The following PTAR1 variants were observed in gnomAD, a reference collection of about 807,000 sequenced individuals.
The protein encoded by PTAR1 is protein prenyltransferase alpha subunit repeat containing 1, also known as protein prenyltransferase alpha subunit repeat-containing protein 1.
A neutral mutation model predicts 45.5 loss-of-function variants in PTAR1; 17 were observed. The observed-to-expected ratio is 0.37, with a 90% CI of 0.26 to 0.56. PTAR1 has a LOEUF of 0.56. Ranked by LOEUF, PTAR1 falls within the 20% of genes least tolerant of loss-of-function variation. PTAR1 has a pLI of 0.77. For missense variants in PTAR1, 391 were observed against 476.3 expected, an observed-to-expected ratio of 0.82 and a Z score of 1.67; for synonymous variants, 169 against 171.3, an observed-to-expected ratio of 0.99 and a Z score of 0.11.
chr9:69,734,378 AAAAG>A, intron 3 of PTAR1, 124 bp from the exon 4 acceptor site: 1 of 497,902 alleles, frequency 2.0e-6, no homozygotes, highest in East Asian at 3.1e-5. Context: ...TTAAAACAAA[AAAAG>A]AAAGAAAAAA....
chr9:69,720,735 G>A (rs1371487190), intron 6 of PTAR1, among the ~76,000 whole-genome samples: 1 of 152,142 alleles, frequency 6.6e-6, no homozygotes, highest in African/African-American at 2.4e-5. Context: ...TTGAAGCCAA[G>A]GCTCATTTAC....
intron 1 of PTAR1, among the ~76,000 whole-genome samples, chr9:69,751,804 T>G (rs1405669685): frequency 6.6e-6 from 1 of 152,084 alleles, no homozygotes; most frequent in Non-Finnish European, 1.5e-5. Context: ...AAAATACATT[T>G]CAGAATTCAA....
In PTAR1 at chr9:69,711,457, CA is replaced by C. The variant is rs1279917411; in HGVS notation, c.*6884del. ...GATGCTGAGACTACTGTATCATTCA[CA>C]AAAAGTTCTTCCTCATGCCAAAGAT... is the stretch of plus-strand genomic sequence containing the variant. On this transcript the variant is annotated 3_prime_UTR_variant, in exon 8 of 8. Transcript: ENST00000340434. 3 of 152,180 alleles carry C rather than the reference CA, an allele frequency of 2.0e-5. No individual in the cohort carries two copies. Among genetic ancestry groups the C allele is most frequent in the African/African-American group, 7.2e-5 (3 of 41,458 alleles). 9.4% of individuals were successfully genotyped at this position (152,180 alleles called of 1,614,324 possible).
chr9:69,720,257 G>C (rs772496823), intron 6 of PTAR1, among the ~76,000 whole-genome samples: 2 of 152,216 alleles, frequency 1.3e-5, no homozygotes, highest in Non-Finnish European at 2.9e-5. Flanking sequence ...ACACACAAAT[G>C]ATAAGCGAAA....
At chr9:69,741,521 C>CT (rs1450325887) in intron 3 of PTAR1, 1 of 347,622 alleles carries the variant, frequency 2.9e-6, no homozygotes, top group Non-Finnish European at 5.3e-6. Flanking sequence ...TAGTCTCCCA[C>CT]CCCAAAAAAT....
Position 69,750,888 on chromosome 9 carries a change from A to T in PTAR1, c.149T>A (p.Val50Asp). 1.9e-6 allele frequency: 3 copies of T among 1,610,528 alleles called. No homozygotes were observed. The highest frequency in any genetic ancestry group is 2.5e-6 in the Non-Finnish European group (3 of 1,178,070). Reference sequence around the variant, plus strand: ...GCTCTCCACACCCAGTTTGTTTTCAACCAGGACTATGGGACTCCGGTTATA... The same window carrying T: ...GCTCTCCACACCCAGTTTGTTTTCATCCAGGACTATGGGACTCCGGTTATA... ...ARYNRSPIVL[V>D]ENKLGVESWC... Residue 50 changes from valine to aspartate, a missense_variant, in exon 2 of 8, where the codon GTT becomes GAT. Around this residue, in one of 5 missense-constraint regions of PTAR1, gnomAD observed 152 missense variants for 160.0 expected, o/e 0.95. Transcript: ENST00000340434.
intron 3 of PTAR1, among the ~76,000 whole-genome samples, chr9:69,736,118 C>A (rs1267384322): frequency 6.6e-6 from 1 of 152,052 alleles, no homozygotes; most frequent in Non-Finnish European, 1.5e-5. Context: ...CGTTTGAAAG[C>A]AATGTTTCTC....
intron 3 of PTAR1, among the ~76,000 whole-genome samples, chr9:69,734,737 A>G (rs1250388751): frequency 2.0e-5 from 3 of 152,304 alleles, no homozygotes; most frequent in East Asian, 3.9e-4. Flanking sequence ...GGAAAAAAAA[A>G]TCATTCATGG....
intron 2 of PTAR1, 124 bp downstream of exon 2, chr9:69,750,657 C>A: frequency 1.4e-6 from 1 of 700,074 alleles, no homozygotes; most frequent in Non-Finnish European, 2.3e-6. Flanking sequence ...TAGCACCCAC[C>A]GAGACAGTGA....
Position 69,718,696 on chromosome 9 carries a change from A to C in PTAR1, c.948-12T>G. ...AGAAAATATGCCGCCTGCGATAGAG[A>C]GGGGAAGGAAGAGAATAAAGAAAAT... On this transcript the variant is annotated splice_polypyrimidine_tract_variant and intron_variant, in intron 6 of 7. Transcript: ENST00000340434. 6.6e-7 allele frequency: 1 copy of C among 1,523,770 alleles called. No individual in the cohort carries two copies. The highest frequency in any genetic ancestry group is 1.3e-5 in the South Asian group (1 of 78,232). The allele number at this position is 1,523,770 out of a possible 1,614,324, so 94.4% of individuals were successfully genotyped here.
At chr9:69,747,433 G>A (rs1032394434) in intron 2 of PTAR1, among the ~76,000 whole-genome samples, 2 of 152,190 alleles carry the variant, frequency 1.3e-5, no homozygotes, top group Admixed American at 1.3e-4. Flanking sequence ...TGGAAGTAAG[G>A]CAGTAGTACA....
intron 5 of PTAR1, among the ~76,000 whole-genome samples, chr9:69,730,261 G>A (rs550660708): frequency 2.6e-4 from 39 of 151,976 alleles, no homozygotes; most frequent in Non-Finnish European, 4.7e-4. Context: ...AGTGGACCCT[G>A]GCAGCTGAGC....
At chr9:69,727,767 G>C (rs2134096373) in intron 5 of PTAR1, among the ~76,000 whole-genome samples, 1 of 152,252 alleles carries the variant, frequency 6.6e-6, no homozygotes, top group South Asian at 2.1e-4. Context: ...TAATGGTAGA[G>C]TGTTCTTTAT....
intron 1 of PTAR1, among the ~76,000 whole-genome samples, chr9:69,751,212 G>C (rs552217555): frequency 6.6e-6 from 1 of 152,000 alleles, no homozygotes; most frequent in Non-Finnish European, 1.5e-5. Flanking sequence ...AATTTTGAAG[G>C]AACATACCCT....
chr9:69,752,634 G>C (rs1483567995), intron 1 of PTAR1, among the ~76,000 whole-genome samples: 1 of 151,956 alleles, frequency 6.6e-6, no homozygotes, highest in African/African-American at 2.4e-5. Flanking sequence ...AATTCAAAAA[G>C]AATAAAGCAA....
At chr9:69,748,628 A>G (rs904084800) in intron 2 of PTAR1, among the ~76,000 whole-genome samples, 4 of 152,064 alleles carry the variant, frequency 2.6e-5, no homozygotes, top group Non-Finnish European at 5.9e-5. Context: ...CTGTCACTTA[A>G]ATTGTCATCT....
rs1824690155 is a variant in PTAR1 at position 69,715,442 on chromosome 9, C to G, written c.*2900G>C. On this transcript the variant is annotated 3_prime_UTR_variant, in exon 8 of 8. Coordinates refer to ENST00000340434, the MANE Select transcript of PTAR1 (RefSeq NM_001099666.2). ...CAAGTAGAATCTGGAAAACACCGTA[C>G]TGCCAAAATAGGTACACTAAAGTAC... The G allele has an allele frequency of 6.6e-6, 1 of 152,082 alleles. No homozygotes were observed. 9.4% of individuals were successfully genotyped at this position (152,082 alleles called of 1,614,324 possible).
rs986648322 is a variant in PTAR1 at position 69,710,919 on chromosome 9, A to G, written c.*7423T>C. Reference sequence around the variant, plus strand: ...TTATATCTTCAAGCAATGTAAAATTAACAGGCATGGTTAATTTTAATGGCA... The same window carrying G: ...TTATATCTTCAAGCAATGTAAAATTGACAGGCATGGTTAATTTTAATGGCA... On this transcript the variant is annotated 3_prime_UTR_variant, in exon 8 of 8. Coordinates refer to ENST00000340434, the MANE Select transcript of PTAR1 (RefSeq NM_001099666.2). 1 of 152,200 alleles carries G rather than the reference A, an allele frequency of 6.6e-6. No individual in the cohort carries two copies. Among genetic ancestry groups the G allele is most frequent in the African/African-American group, 2.4e-5 (1 of 41,466 alleles). The allele number at this position is 152,200 out of a possible 1,614,324, so 9.4% of individuals were successfully genotyped here.
rs887409508 is a variant in PTAR1, at chr9:69,714,837, G to C, written c.*3505C>G. 2.0e-5 allele frequency: 3 copies of C among 151,990 alleles called. No individual in the cohort carries two copies. The highest frequency in any genetic ancestry group is 7.2e-5 in the African/African-American group (3 of 41,382). 9.4% of individuals were successfully genotyped at this position (151,990 alleles called of 1,614,324 possible). A position where few individuals can be genotyped will look rare whatever the true frequency, so the allele number is the denominator to read the frequency against. On this transcript the variant is annotated 3_prime_UTR_variant, in exon 8 of 8. Coordinates refer to ENST00000340434, the MANE Select transcript of PTAR1 (RefSeq NM_001099666.2). ...AATGCTAAAATCTACAGAAGACAAA[G>C]GGGACATTAATACATATCAAATCCC...
Sources: allele counts gnomAD v4.1 joint callset (sites outside exome capture counted in the v4.1 genomes callset), GRCh38; gene constraint gnomAD v4.1.1; regional missense constraint gnomAD v4.1.1; transcripts MANE v1.5; gene names NCBI Gene and HGNC (gene_info 2026-07-23, HGNC 2026-07-21).